ADAM23: variants seen among roughly 807,000 people sequenced by gnomAD.
The protein encoded by ADAM23 is disintegrin and metalloproteinase domain-containing protein 23.
ADAM23 carries 33 observed loss-of-function variants against 120.1 expected under a neutral mutation model. The observed-to-expected ratio is 0.27, with a 90% CI of 0.21 to 0.37. The LOEUF (loss-of-function observed/expected upper bound fraction) is 0.37. ADAM23 is among the 10% of genes least tolerant of loss of function. The pLI is 1.00. For missense variants in ADAM23, 862 were observed against 1,058.2 expected (o/e 0.81, Z 2.57); for synonymous variants, 367 against 375.2 (o/e 0.98, Z 0.25).
intron 24 of ADAM23, among the ~76,000 whole-genome samples, chr2:206,600,806 T>C (rs75954901): frequency 0.062 from 9,492 of 152,196 alleles, 480 homozygotes; most frequent in Admixed American, 0.13. Context: ...AACCAAACTA[T>C]TGAAAGACAA....
At chr2:206,596,787 G>A (rs1698535355) in intron 24 of ADAM23, among the ~76,000 whole-genome samples, 2 of 152,092 alleles carry the variant, frequency 1.3e-5, no homozygotes, top group South Asian at 2.1e-4. Flanking sequence ...AGACCCTGAG[G>A]TCAGGTCACT....
intron 2 of ADAM23, among the ~76,000 whole-genome samples, chr2:206,449,094 A>G (rs1164559966): frequency 6.6e-6 from 1 of 152,168 alleles, no homozygotes; most frequent in Non-Finnish European, 1.5e-5. Flanking sequence ...ATTGGAGGAC[A>G]TCGAGGTGGT....
At chr2:206,590,529 A>G (rs573126488) in intron 21 of ADAM23, among the ~76,000 whole-genome samples, 12 of 152,340 alleles carry the variant, frequency 7.9e-5, no homozygotes, top group African/African-American at 2.6e-4. Context: ...TTCTAAAGCA[A>G]TGAAAATTCT....
At chr2:206,480,110 A>G (rs1695864347) in intron 2 of ADAM23, among the ~76,000 whole-genome samples, 1 of 152,150 alleles carries the variant, frequency 6.6e-6, no homozygotes, top group Non-Finnish European at 1.5e-5. Context: ...GGAAAGGGAG[A>G]GACAGGGAAG....
intron 1 of ADAM23, 30 bp downstream of exon 1, chr2:206,444,110 G>A: frequency 2.4e-6 from 3 of 1,263,826 alleles, no homozygotes; most frequent in South Asian, 2.8e-5. Context: ...CTTTGCGTTG[G>A]CTTTCCCGCG....
chr2:206,497,810 A>T (rs966827758), intron 3 of ADAM23, among the ~76,000 whole-genome samples: 1 of 152,074 alleles, frequency 6.6e-6, no homozygotes, highest in East Asian at 1.9e-4. Flanking sequence ...CAAAGTCTCA[A>T]GATACAAAAT....
In ADAM23 at chr2:206,609,942, A is replaced by C. The variant is rs1698797219; in HGVS notation, c.2392A>C (p.Ile798Leu). 3.1e-6 allele frequency: 5 copies of C among 1,601,300 alleles called. No individual in the cohort carries two copies. The South Asian group carries it at 5.6e-5, about 18-fold the overall frequency. ...TGCCACCAATCTCATAATAGGCTCC[A>C]TCGCTGGTGCCATCCTGGTAGCAGC... is the stretch of plus-strand genomic sequence containing the variant. ...PSATNLIIGSIAGAILVAAIV... is the reference protein window; with the variant it reads ...PSATNLIIGSLAGAILVAAIV... The change falls in exon 25 of 26, where the codon ATC becomes CTC. Residue 798 changes from isoleucine (I) to leucine (L), a missense_variant. By Grantham distance (5) the Ile-to-Leu change is conservative. Coordinates refer to ENST00000264377, the MANE Select transcript of ADAM23 (RefSeq NM_003812.4).
At chr2:206,609,553 G>A (rs774597702) in intron 24 of ADAM23, among the ~76,000 whole-genome samples, 61 of 152,258 alleles carry the variant, frequency 4.0e-4, no homozygotes, top group Admixed American at 9.8e-4. Context: ...GTCTGAATGC[G>A]ATGGTGTTCT....
chr2:206,491,111 A>G (rs781678650), intron 3 of ADAM23, among the ~76,000 whole-genome samples: 10 of 152,224 alleles, frequency 6.6e-5, no homozygotes, highest in Non-Finnish European at 1.2e-4. Flanking sequence ...AAAATCCAGC[A>G]TAACTCTTGG....
chr2:206,466,558 T>C (rs1425681397), intron 2 of ADAM23, among the ~76,000 whole-genome samples: 1 of 152,230 alleles, frequency 6.6e-6, no homozygotes, highest in Non-Finnish European at 1.5e-5. Context: ...CTAGGATTTT[T>C]TTATCCCTAA....
intron 3 of ADAM23, among the ~76,000 whole-genome samples, chr2:206,504,832 G>C (rs1319489798): frequency 2.0e-5 from 3 of 152,144 alleles, no homozygotes; most frequent in African/African-American, 2.4e-5. Flanking sequence ...TACTAATAGG[G>C]ACAGTATTGC....
chr2:206,474,702 G>A (rs1207252023), intron 2 of ADAM23, among the ~76,000 whole-genome samples: 2 of 152,088 alleles, frequency 1.3e-5, no homozygotes, highest in African/African-American at 4.8e-5. Context: ...AGCCTCCTGA[G>A]TAGCTGGGAC....
intron 3 of ADAM23, among the ~76,000 whole-genome samples, chr2:206,505,891 C>T (rs1277680430): frequency 6.6e-6 from 1 of 152,160 alleles, no homozygotes; most frequent in Admixed American, 6.5e-5. Context: ...AAGAGGCACC[C>T]CCATATAGCT....
chr2:206,462,242 T>C (rs1695436510), intron 2 of ADAM23, among the ~76,000 whole-genome samples: 1 of 152,156 alleles, frequency 6.6e-6, no homozygotes, highest in Non-Finnish European at 1.5e-5. Flanking sequence ...ATAAAATTGG[T>C]GGTTACTCTG....
Position 206,587,308 on chromosome 2 carries a change from A to G in ADAM23, c.1738-17A>G. ...CCTAGCATGCTGAATATTAACTAAA[A>G]AGATAATATTTTGCAGTGCCCACCA... is the stretch of plus-strand genomic sequence containing the variant. On this transcript the variant is annotated splice_polypyrimidine_tract_variant and intron_variant, in intron 18 of 25. Transcript: ENST00000264377. 23 of 1,588,630 alleles carry G rather than the reference A, an allele frequency of 1.4e-5. No homozygotes were observed. The highest frequency in any genetic ancestry group is 2.0e-5 in the Non-Finnish European group (23 of 1,161,506).
rs771972189 is a variant in ADAM23, at chr2:206,565,010, A to G, written c.1346-10A>G. Reference sequence around the variant, plus strand: ...TTTCTTCTGTTGCTTTTATTGTTTTATTGGACCAGAATGTGACTGCACAGA... The same window carrying G: ...TTTCTTCTGTTGCTTTTATTGTTTTGTTGGACCAGAATGTGACTGCACAGA... On this transcript the variant is annotated splice_polypyrimidine_tract_variant and intron_variant, in intron 13 of 25. Transcript: ENST00000264377. 3.1e-6 allele frequency: 5 copies of G among 1,613,028 alleles called. No individual in the cohort carries two copies.
chr2:206,459,549 T>C (rs1431449178), intron 2 of ADAM23, among the ~76,000 whole-genome samples: 2 of 152,244 alleles, frequency 1.3e-5, no homozygotes, highest in Non-Finnish European at 2.9e-5. Flanking sequence ...ATTAACTTAC[T>C]TGTATGAAAC....
chr2:206,582,575 A>G (rs1698240620), intron 18 of ADAM23, among the ~76,000 whole-genome samples: 1 of 152,112 alleles, frequency 6.6e-6, no homozygotes, highest in Admixed American at 6.5e-5. Flanking sequence ...TGCTTTCATC[A>G]TGCTCTTTGT....
At chr2:206,462,922 G>A (rs941983118) in intron 2 of ADAM23, among the ~76,000 whole-genome samples, 2 of 152,152 alleles carry the variant, frequency 1.3e-5, no homozygotes, top group African/African-American at 4.8e-5. Flanking sequence ...CATTATGGCA[G>A]CTCTCTGGAA....
Sources: allele counts gnomAD v4.1 joint callset (sites outside exome capture counted in the v4.1 genomes callset), GRCh38; gene constraint gnomAD v4.1.1; transcripts MANE v1.5; gene names NCBI Gene and HGNC (gene_info 2026-07-23, HGNC 2026-07-21).